RXRA: variants seen among roughly 807,000 people sequenced by gnomAD.
RXRA encodes the protein retinoid X receptor alpha.
RXRA carries 5 observed loss-of-function variants against 44.5 expected under a neutral mutation model. The ratio of observed to expected loss-of-function variants is 0.11; its 90% CI spans 0.06 to 0.24. The LOEUF is 0.24. RXRA is among the 10% of genes least tolerant of loss of function. The pLI is 1.00. For synonymous variants in RXRA, 291 were observed against 271.4 expected (o/e 1.07, Z -0.71); for missense variants, 412 against 646.5 (o/e 0.64, Z 3.93).
At chr9:134,386,718 C>T (rs1169994174) in intron 1 of RXRA, among the ~76,000 whole-genome samples, 1 of 103,300 alleles carries the variant, frequency 9.7e-6, no homozygotes, top group Non-Finnish European at 1.7e-5. Context: ...GAGGCCAGGA[C>T]CACTGGGGTC....
chr9:134,361,379 C>T (rs1031437858), intron 1 of RXRA, among the ~76,000 whole-genome samples: 15 of 152,308 alleles, frequency 9.8e-5, no homozygotes, highest in Middle Eastern at 3.4e-3. Context: ...GCTGTGTGCC[C>T]GGCCCCTGGG....
intron 1 of RXRA, among the ~76,000 whole-genome samples, chr9:134,383,209 G>C (rs768123283): frequency 7.9e-5 from 12 of 152,228 alleles, no homozygotes; most frequent in Non-Finnish European, 1.6e-4. Context: ...GGGCTGAGCA[G>C]CTGGTCAGCT....
intron 4 of RXRA, 48 bp downstream of exon 4, chr9:134,409,167 G>A (rs1451849321): frequency 6.7e-7 from 1 of 1,487,462 alleles, no homozygotes; most frequent in East Asian, 2.5e-5. Context: ...TGGACAAACA[G>A]TGGGGCCCGG....
At chr9:134,372,418 C>T (rs1830502085) in intron 1 of RXRA, among the ~76,000 whole-genome samples, 1 of 152,298 alleles carries the variant, frequency 6.6e-6, no homozygotes, top group East Asian at 1.9e-4. Flanking sequence ...GCGAGGGTCC[C>T]TCTTCCTTTG....
In RXRA at chr9:134,349,045, C is replaced by T. The variant is rs923714660; in HGVS notation, c.28+22386C>T. ...TCACTTGCAGTGAAGGGCTGGTCCC[C>T]GCTGAGAAGGCTGGTGATGCATGGT... is the stretch of plus-strand genomic sequence containing the variant. On this transcript the variant is annotated intron_variant, in intron 1 of 9. Transcript: ENST00000481739. This position sits in a 1 kb window ranked among gnomAD's most constrained non-coding sequence, Gnocchi z 4.3. Among the ~76,000 whole-genome samples, 5 of 152,340 alleles carry T rather than the reference C, an allele frequency of 3.3e-5. No homozygotes were observed. Among genetic ancestry groups the T allele is most frequent in the Admixed American group, 6.5e-5 (1 of 15,304 alleles).
intron 6 of RXRA, chr9:134,425,812 C>A (rs1167330650): frequency 7.1e-6 from 7 of 985,302 alleles, no homozygotes; most frequent in Non-Finnish European, 8.4e-6. Context: ...AGCCGTGACT[C>A]TGGGGGGGCC....
chr9:134,351,862 G>C (rs963245654), intron 1 of RXRA, among the ~76,000 whole-genome samples: 1 of 152,244 alleles, frequency 6.6e-6, no homozygotes, highest in Admixed American at 6.5e-5. Context: ...CGCAGCAGCT[G>C]CGGCTCTGGC....
At chr9:134,390,207 G>A (rs1483934000) in intron 1 of RXRA, among the ~76,000 whole-genome samples, 1 of 152,156 alleles carries the variant, frequency 6.6e-6, no homozygotes, top group South Asian at 2.1e-4. Context: ...GGAAGGGGAG[G>A]GGGAGTCTGA....
At chr9:134,363,756 A>C (rs1830381613) in intron 1 of RXRA, among the ~76,000 whole-genome samples, 1 of 152,306 alleles carries the variant, frequency 6.6e-6, no homozygotes, top group Non-Finnish European at 1.5e-5. Flanking sequence ...TGGGAGGCCC[A>C]GGCCGCCCTG....
chr9:134,385,883 A>C (rs1402917648), intron 1 of RXRA, among the ~76,000 whole-genome samples: 1 of 152,198 alleles, frequency 6.6e-6, no homozygotes, highest in Non-Finnish European at 1.5e-5. Flanking sequence ...GGGCTGCCCA[A>C]CGTCCGGGCC....
chr9:134,380,887 C>A (rs1002112287), intron 1 of RXRA, among the ~76,000 whole-genome samples: 2 of 152,176 alleles, frequency 1.3e-5, no homozygotes, highest in African/African-American at 2.4e-5. Flanking sequence ...CGGATCCCCC[C>A]CTGTCAATCT....
intron 1 of RXRA, among the ~76,000 whole-genome samples, chr9:134,368,367 C>T (rs773535828): frequency 6.6e-6 from 1 of 152,250 alleles, no homozygotes; most frequent in Admixed American, 6.5e-5. Context: ...GCCACCCACT[C>T]CCCTGGGGCT....
At chr9:134,416,961 C>T (rs1831244450) in intron 4 of RXRA, among the ~76,000 whole-genome samples, 197 bp from the exon 5 acceptor site, 1 of 152,166 alleles carries the variant, frequency 6.6e-6, no homozygotes, top group Non-Finnish European at 1.5e-5. Flanking sequence ...TGAGAGTTGG[C>T]CTCTGTTCTC....
At chr9:134,381,638 G>A (rs1342529110) in intron 1 of RXRA, among the ~76,000 whole-genome samples, 1 of 152,102 alleles carries the variant, frequency 6.6e-6, no homozygotes, top group Non-Finnish European at 1.5e-5. Context: ...GGTACAGAGG[G>A]TGGTGCTGGC....
chr9:134,359,527 C>G (rs1452064473), intron 1 of RXRA, among the ~76,000 whole-genome samples: 1 of 152,180 alleles, frequency 6.6e-6, no homozygotes, highest in Non-Finnish European at 1.5e-5. Flanking sequence ...TCCTGGGGCA[C>G]TGTGGCTTTG....
intron 6 of RXRA, chr9:134,425,919 G>C: frequency 1.0e-6 from 1 of 985,414 alleles, no homozygotes; most frequent in Non-Finnish European, 1.2e-6. Flanking sequence ...GTGGCTCAGA[G>C]GTGAGACAGG....
chr9:134,422,044 C>G (rs561142333), intron 6 of RXRA: 1 of 1,358,782 alleles, frequency 7.4e-7, no homozygotes, highest in Admixed American at 2.4e-5. Context: ...GCTCCCATCT[C>G]CCAGGACGCT....
chr9:134,427,173 A>C (rs1400396714), intron 6 of RXRA: 9 of 931,172 alleles, frequency 9.7e-6, no homozygotes, highest in East Asian at 1.2e-4. Flanking sequence ...GCAAAAACAA[A>C]AAAAAAAAAA....
chr9:134,354,237 C>T (rs1554749805), intron 1 of RXRA, among the ~76,000 whole-genome samples: 1 of 152,194 alleles, frequency 6.6e-6, no homozygotes, highest in Non-Finnish European at 1.5e-5. Flanking sequence ...GCCGAGTGCT[C>T]CCATCCTGGC....
Sources: allele counts gnomAD v4.1 joint callset (sites outside exome capture counted in the v4.1 genomes callset), GRCh38; gene constraint gnomAD v4.1.1; non-coding constraint Gnocchi (gnomAD v3.1); transcripts MANE v1.5; gene names NCBI Gene and HGNC (gene_info 2026-07-23, HGNC 2026-07-21).